The following GLRA3 variants were observed in gnomAD, a reference collection of about 807,000 sequenced individuals.
GLRA3 encodes the protein glycine receptor alpha 3, also known as glycine receptor subunit alpha-3.
A neutral mutation model predicts 60.4 loss-of-function variants in GLRA3; 44 were observed. That is an observed-to-expected ratio of 0.73 (90% confidence interval 0.57 to 0.94). The LOEUF (loss-of-function observed/expected upper bound fraction) is 0.94, where lower values mean the gene tolerates loss of function less well. Among genes scored for constraint, GLRA3 ranks in the 40% least tolerant of loss-of-function variants. GLRA3 has a pLI of 0.00. For missense variants in GLRA3, 508 were observed against 564.6 expected, an observed-to-expected ratio of 0.90 and a Z score of 1.02; for synonymous variants, 223 against 192.9, an observed-to-expected ratio of 1.16 and a Z score of -1.29.
chr4:174,666,493 C>T (rs1264590625), intron 7 of GLRA3, among the ~76,000 whole-genome samples: 1 of 151,890 alleles, frequency 6.6e-6, no homozygotes, highest in Non-Finnish European at 1.5e-5. Flanking sequence ...CTATTGTTTA[C>T]TTGCCATGTA....
chr4:174,771,712 G>T (rs1738394625), intron 2 of GLRA3, among the ~76,000 whole-genome samples: 1 of 152,100 alleles, frequency 6.6e-6, no homozygotes, highest in Middle Eastern at 3.2e-3. Flanking sequence ...AAATAAAAGA[G>T]TGGGGAGATA....
At chr4:174,825,280 A>G (rs1301745045) in intron 1 of GLRA3, among the ~76,000 whole-genome samples, 2 of 152,148 alleles carry the variant, frequency 1.3e-5, no homozygotes. Context: ...ATAGAAAAAT[A>G]GAGACAACAT....
At chr4:174,652,581 C>A (rs1733060565) in intron 9 of GLRA3, among the ~76,000 whole-genome samples, 1 of 151,188 alleles carries the variant, frequency 6.6e-6, no homozygotes, top group South Asian at 2.1e-4. Context: ...TTAAAACTGA[C>A]AAAAAAAAAT....
intron 1 of GLRA3, among the ~76,000 whole-genome samples, chr4:174,805,143 T>C (rs986326916): frequency 5.3e-5 from 8 of 152,154 alleles, no homozygotes; most frequent in Non-Finnish European, 1.2e-4. Context: ...GAGCTGCTTT[T>C]TGCTAAAAGG....
chr4:174,811,701 A>G (rs76956432), intron 1 of GLRA3, among the ~76,000 whole-genome samples: 2 of 152,346 alleles, frequency 1.3e-5, no homozygotes, highest in African/African-American at 4.8e-5. Flanking sequence ...GTGAATTAGA[A>G]AAACAAATAA....
At chr4:174,762,852 T>C (rs1200089972) in intron 3 of GLRA3, among the ~76,000 whole-genome samples, 1 of 152,126 alleles carries the variant, frequency 6.6e-6, no homozygotes, top group Non-Finnish European at 1.5e-5. Flanking sequence ...ACAATTTTGG[T>C]ACCCAGAAGG....
intron 1 of GLRA3, among the ~76,000 whole-genome samples, chr4:174,790,378 AAT>A (rs200904463): frequency 2.0e-5 from 3 of 151,616 alleles, no homozygotes; most frequent in East Asian, 4.0e-4. Flanking sequence ...TATAATAATA[AAT>A]ATATTTTTTT....
intron 5 of GLRA3, among the ~76,000 whole-genome samples, chr4:174,692,126 G>A (rs1040090984): frequency 2.1e-4 from 32 of 151,676 alleles, no homozygotes; most frequent in Admixed American, 1.0e-3. Flanking sequence ...CAACTGCCCC[G>A]TCTGAGAAGT....
At chr4:174,652,679 T>C (rs79184122) in intron 9 of GLRA3, among the ~76,000 whole-genome samples, 1,724 of 152,216 alleles carry the variant, frequency 0.011, 33 homozygotes, top group African/African-American at 0.039. Context: ...CACTGATTCA[T>C]ATAAAATGCA....
chr4:174,750,163 T>G (rs77164996), intron 3 of GLRA3, among the ~76,000 whole-genome samples: 2 of 152,146 alleles, frequency 1.3e-5, no homozygotes, highest in African/African-American at 4.8e-5. Flanking sequence ...CCATTTTTTG[T>G]GCATAAATTG....
rs1461666459 is a variant in GLRA3, at chr4:174,783,334, A to C, written c.199+5482T>G. ...AAAATCAATTCAGGATGGATTAAAG[A>C]CTTACATGTTAGACCTAAAACCATA... On this transcript the variant is annotated intron_variant, in intron 2 of 9. Transcript: ENST00000274093. Among the ~76,000 whole-genome samples the C allele has an allele frequency of 8.0e-5, 11 of 137,744 alleles. 2 individuals carry two copies. The highest frequency in any genetic ancestry group is 2.2e-4 in the South Asian group (1 of 4,540). The allele number at this position is 137,744 out of a possible 152,430, so 90.4% of individuals were successfully genotyped here.
At chr4:174,768,250 T>C (rs953588086) in intron 2 of GLRA3, among the ~76,000 whole-genome samples, 2 of 152,136 alleles carry the variant, frequency 1.3e-5, no homozygotes, top group Admixed American at 1.3e-4. Flanking sequence ...GTCGGTGAAA[T>C]TAATATCCCT....
At position 174,803,062 on chromosome 4, in the gene GLRA3, A is replaced by G. The variant is rs142753971; in HGVS notation, c.72-14119T>C. On this transcript the variant is annotated intron_variant, in intron 1 of 9. Transcript: ENST00000274093. ...GGAGGACTCCATTCAATAGTGAAAT[A>G]TATGACAAAAATTAGTGTAATTATT... Among the ~76,000 whole-genome samples the G allele has an allele frequency of 5.7e-3, 871 of 152,208 alleles. 7 individuals are homozygous for G. Among genetic ancestry groups the G allele is most frequent in the African/African-American group, 0.019 (807 of 41,540 alleles).
intron 2 of GLRA3, among the ~76,000 whole-genome samples, chr4:174,784,330 G>A (rs529994555): frequency 5.1e-4 from 71 of 140,472 alleles, no homozygotes; most frequent in African/African-American, 7.8e-4. Flanking sequence ...GGTGCGGGGA[G>A]GGGGGAGGGA....
chr4:174,784,289 G>A (rs1359019963), intron 2 of GLRA3, among the ~76,000 whole-genome samples: 35 of 131,154 alleles, frequency 2.7e-4, no homozygotes, highest in Non-Finnish European at 4.9e-4. Context: ...GACACAGGAA[G>A]GGGAATATCA....
At chr4:174,683,160 C>T (rs993906873) in intron 5 of GLRA3, among the ~76,000 whole-genome samples, 23 of 152,038 alleles carry the variant, frequency 1.5e-4, no homozygotes, top group Non-Finnish European at 5.9e-5. Flanking sequence ...ACAAAATGGA[C>T]TCATTAAAAG....
chr4:174,787,952 CT>C (rs1307646688), intron 2 of GLRA3, among the ~76,000 whole-genome samples: 1 of 151,936 alleles, frequency 6.6e-6, no homozygotes, highest in African/African-American at 2.4e-5. Context: ...CTAAGCATTT[CT>C]TTTTTTCTTC....
chr4:174,774,395 T>A (rs1561109763), intron 2 of GLRA3, among the ~76,000 whole-genome samples: 1 of 151,946 alleles, frequency 6.6e-6, no homozygotes, highest in Admixed American at 6.6e-5. Context: ...TGTGTGTGCA[T>A]GCATATGTGT....
chr4:174,797,296 G>C (rs1199505088), intron 1 of GLRA3, among the ~76,000 whole-genome samples: 1 of 152,150 alleles, frequency 6.6e-6, no homozygotes, highest in East Asian at 1.9e-4. Context: ...AATTAGCTAT[G>C]ATCGGTACTT....
Sources: allele counts gnomAD v4.1 joint callset (sites outside exome capture counted in the v4.1 genomes callset), GRCh38; gene constraint gnomAD v4.1.1; transcripts MANE v1.5; gene names NCBI Gene and HGNC (gene_info 2026-07-23, HGNC 2026-07-21).